Variants in UBXN7 observed in about 807,000 individuals in gnomAD.
UBXN7 encodes the protein UBX domain protein 7.
Under a neutral mutation model 58.0 loss-of-function variants are expected in UBXN7, and 9 were observed. The ratio of observed to expected loss-of-function variants is 0.16; its 90% CI spans 0.09 to 0.27. UBXN7 has a LOEUF of 0.27. Among genes scored for constraint, UBXN7 ranks in the 10% least tolerant of loss-of-function variants. UBXN7 has a pLI of 1.00. For missense variants in UBXN7, 328 were observed against 599.6 expected, an observed-to-expected ratio of 0.55 and a Z score of 4.73; for synonymous variants, 208 against 205.0, an observed-to-expected ratio of 1.01 and a Z score of -0.12.
rs546504049 is a variant in UBXN7, at chr3:196,395,768, A to T, written c.290-2149T>A. Among the ~76,000 whole-genome samples the T allele has an allele frequency of 2.9e-4, 42 of 142,450 alleles. No individual in the cohort carries two copies. The East Asian group carries it at 3.0e-3, about 10-fold the overall frequency. The allele number at this position is 142,450 out of a possible 152,430, so 93.5% of individuals were successfully genotyped here. On this transcript the variant is annotated intron_variant, in intron 3 of 10. Transcript: ENST00000296328. ...CCACCATGCCCAGCCTGAATTAATTAATTTATTTATTTATTGCGACAGAGT... is the reference window on the plus strand; with the variant it reads ...CCACCATGCCCAGCCTGAATTAATTTATTTATTTATTTATTGCGACAGAGT...
At chr3:196,365,844 C>T (rs1475464339) in intron 8 of UBXN7, among the ~76,000 whole-genome samples, 2 of 151,766 alleles carry the variant, frequency 1.3e-5, no homozygotes, top group African/African-American at 4.8e-5. Context: ...AAATTTTCCA[C>T]CAAAAAAAAA....
intron 10 of UBXN7, among the ~76,000 whole-genome samples, chr3:196,359,195 T>C (rs1728437314): frequency 6.6e-6 from 1 of 152,174 alleles, no homozygotes; most frequent in Non-Finnish European, 1.5e-5. Context: ...CATTATTTTA[T>C]CTATTATAAT....
chr3:196,413,496 A>G (rs28549737), intron 1 of UBXN7, among the ~76,000 whole-genome samples: 80,076 of 151,966 alleles, frequency 0.53, 21,543 homozygotes, highest in East Asian at 0.9. Flanking sequence ...AGTTACACAG[A>G]ACCAGGGAGG....
chr3:196,412,946 T>C (rs1730377531), intron 1 of UBXN7, among the ~76,000 whole-genome samples: 1 of 152,060 alleles, frequency 6.6e-6, no homozygotes, highest in Non-Finnish European at 1.5e-5. Context: ...GTTTAATGGG[T>C]ATAGAGTTTC....
At chr3:196,409,701 C>T (rs144340885) in intron 1 of UBXN7, among the ~76,000 whole-genome samples, 95 of 152,248 alleles carry the variant, frequency 6.2e-4, no homozygotes, top group African/African-American at 2.1e-3. Context: ...TACATCCCCT[C>T]CCCACTGCCA....
In UBXN7 at chr3:196,362,356, G is replaced by A; in HGVS notation, c.1166C>T (p.Ser389Leu). The stretch of plus-strand genomic sequence containing the variant: ...TTCAGGTGGCATCTCCAGTATCTCT[G>A]AATCCACAGCTGGCAATCCTTGGTG... ...TNHQGLPAVDSEILEMPPEKA... is the reference protein window; with the variant it reads ...TNHQGLPAVDLEILEMPPEKA... The change falls in exon 9 of 11, where the codon TCA becomes TTA. Residue 389 changes from serine (S) to leucine (L), a missense_variant. Ser to Leu is a moderately radical substitution (Grantham distance 145, BLOSUM62 -2). Around this residue, in one of 4 missense-constraint regions of UBXN7, gnomAD observed 66 missense variants for 77.9 expected, o/e 0.85. Coordinates refer to ENST00000296328, the MANE Select transcript of UBXN7 (RefSeq NM_015562.2). 2 of 1,614,008 alleles carry A rather than the reference G, an allele frequency of 1.2e-6. No individual in the cohort carries two copies. The highest frequency in any genetic ancestry group is 1.7e-5 in the Admixed American group (1 of 59,990).
rs35766312 is a variant in UBXN7 at position 196,401,248 on chromosome 3, C to CAAAAAAAAA, written c.289+1695_289+1703dup. On this transcript the variant is annotated intron_variant, in intron 3 of 10. Coordinates refer to ENST00000296328, the MANE Select transcript of UBXN7 (RefSeq NM_015562.2). ...CTAACATGGAGAAACCCCGTCTCTC[C>CAAAAAAAAA]AAAAAAAAAAAAAAAAAAAAAAAAA... Among the ~76,000 whole-genome samples the CAAAAAAAAA allele has an allele frequency of 5.7e-3, 13 of 2,274 alleles. 6 individuals carry two copies. The highest frequency in any genetic ancestry group is 0.01 in the Non-Finnish European group (12 of 1,180). 1.5% of individuals were successfully genotyped at this position (2,274 alleles called of 152,430 possible). A position where few individuals can be genotyped will look rare whatever the true frequency, so the allele number is the denominator to read the frequency against.
intron 8 of UBXN7, among the ~76,000 whole-genome samples, chr3:196,366,921 G>A (rs992356567): frequency 6.6e-6 from 1 of 151,966 alleles, no homozygotes; most frequent in Non-Finnish European, 1.5e-5. Context: ...GTTAGCTCAC[G>A]CCTGTAATCC....
intron 6 of UBXN7, among the ~76,000 whole-genome samples, chr3:196,370,004 C>T (rs770835709): frequency 2.0e-5 from 3 of 151,564 alleles, no homozygotes; most frequent in Non-Finnish European, 4.4e-5. Context: ...GTGACAGGCG[C>T]TTGTAGTCCC....
At chr3:196,383,415 C>T (rs1211821830) in intron 5 of UBXN7, among the ~76,000 whole-genome samples, 1 of 152,118 alleles carries the variant, frequency 6.6e-6, no homozygotes, top group African/African-American at 2.4e-5. Context: ...CAAGGATATC[C>T]AGGACCTGAA....
intron 1 of UBXN7, among the ~76,000 whole-genome samples, chr3:196,410,463 T>C (rs1382880625): frequency 6.6e-6 from 1 of 152,198 alleles, no homozygotes; most frequent in Admixed American, 6.5e-5. Context: ...ATTATTCCAT[T>C]TTCTACCTTG....
At chr3:196,414,332 C>T (rs928135969) in intron 1 of UBXN7, among the ~76,000 whole-genome samples, 9 of 152,278 alleles carry the variant, frequency 5.9e-5, no homozygotes, top group African/African-American at 1.2e-4. Context: ...TTCACCAATA[C>T]GGAACCCATG....
intron 8 of UBXN7, among the ~76,000 whole-genome samples, 183 bp from the exon 9 acceptor site, chr3:196,362,870 T>C (rs1267764252): frequency 1.3e-5 from 2 of 152,124 alleles, no homozygotes; most frequent in Admixed American, 1.3e-4. Flanking sequence ...TATATATGTG[T>C]GTGTATATAC....
intron 1 of UBXN7, among the ~76,000 whole-genome samples, chr3:196,422,458 C>G (rs935744468): frequency 6.8e-6 from 1 of 147,582 alleles, no homozygotes; most frequent in African/African-American, 2.5e-5. Flanking sequence ...CCACCAGGGG[C>G]AAGAGAATGA....
chr3:196,424,082 G>C (rs1389182859), intron 1 of UBXN7, among the ~76,000 whole-genome samples: 1 of 151,648 alleles, frequency 6.6e-6, no homozygotes, highest in Non-Finnish European at 1.5e-5. Flanking sequence ...GTGGAGACAG[G>C]GTTTCACCAT....
At chr3:196,426,361 G>T (rs975991254) in intron 1 of UBXN7, among the ~76,000 whole-genome samples, 1 of 149,474 alleles carries the variant, frequency 6.7e-6, no homozygotes, top group Non-Finnish European at 1.5e-5. Flanking sequence ...ACTCCAGCCT[G>T]GGTGACAGGA....
At chr3:196,398,001 G>T (rs1366907246) in intron 3 of UBXN7, among the ~76,000 whole-genome samples, 4 of 152,180 alleles carry the variant, frequency 2.6e-5, no homozygotes, top group Non-Finnish European at 4.4e-5. Context: ...GATAACCTGT[G>T]GGTGAATACC....
intron 3 of UBXN7, chr3:196,400,810 C>A: frequency 3.5e-6 from 1 of 283,624 alleles, no homozygotes; most frequent in Non-Finnish European, 7.0e-6. Flanking sequence ...AAAAGCAATA[C>A]AGCACAGAAT....
chr3:196,364,009 T>C (rs1329212519), intron 8 of UBXN7, among the ~76,000 whole-genome samples: 1 of 152,086 alleles, frequency 6.6e-6, no homozygotes, highest in East Asian at 1.9e-4. Flanking sequence ...AAGTTTTAAC[T>C]ATAAAGTCAA....
Sources: gnomAD v4.1 joint callset for allele counts (sites outside exome capture counted in the v4.1 genomes callset) on GRCh38, gnomAD v4.1.1 for gene constraint, gnomAD v4.1.1 regional missense constraint, MANE v1.5 for transcripts, NCBI Gene and HGNC (gene_info 2026-07-23, HGNC 2026-07-21) for gene names.